The following UGT1A10 variants were observed in gnomAD, a reference collection of about 807,000 sequenced individuals.
UGT1A10 encodes the protein UDP glucuronosyltransferase family 1 member A10.
In UGT1A10, 49 loss-of-function variants were observed where a neutral mutation model predicts 45.8. The observed-to-expected ratio is 1.07, with a 90% CI of 0.85 to 1.36. The LOEUF (loss-of-function observed/expected upper bound fraction) is 1.36, where lower values mean the gene tolerates loss of function less well. Among genes scored for constraint, UGT1A10 ranks in the 40% most tolerant of loss-of-function variants. The probability of loss-of-function intolerance (pLI) is 0.00; values close to 1 mark genes in which losing one functional copy is unlikely to be tolerated. For missense variants in UGT1A10, 745 were observed against 668.6 expected (o/e 1.11, Z -1.26); for synonymous variants, 284 against 249.7 (o/e 1.14, Z -1.29).
At chr2:233,702,346 AT>A (rs1310993956) in intron 1 of UGT1A10, among the ~76,000 whole-genome samples, 1 of 152,068 alleles carries the variant, frequency 6.6e-6, no homozygotes, top group African/African-American at 2.4e-5. Context: ...ATTTGTTCTA[AT>A]AGTTTTTTTT....
rs750440547 is a variant in UGT1A10, at chr2:233,743,766, C to T, written c.856-23268C>T. 28 of 1,367,250 alleles carry T rather than the reference C, an allele frequency of 2.0e-5. No homozygotes were observed. In the South Asian group the frequency reaches 2.2e-4, roughly 11 times the overall value. The allele number at this position is 1,367,250 out of a possible 1,614,324, so 84.7% of individuals were successfully genotyped here. Reference sequence around the variant, plus strand: ...GCGTCCGACAACACCTCGTAGGCCTCGGCCACCTGCTTGAATCTCCTCTCC... The same window carrying T: ...GCGTCCGACAACACCTCGTAGGCCTTGGCCACCTGCTTGAATCTCCTCTCC... On this transcript the variant is annotated intron_variant, in intron 1 of 4. Coordinates refer to ENST00000344644, the MANE Select transcript of UGT1A10 (RefSeq NM_019075.4).
At chr2:233,672,941 G>T (rs4663871) in intron 1 of UGT1A10, 2 of 1,392,100 alleles carry the variant, frequency 1.4e-6, no homozygotes, top group East Asian at 2.4e-5. Context: ...GCGTGTACTC[G>T]TCAGTAGCAA....
intron 1 of UGT1A10, among the ~76,000 whole-genome samples, chr2:233,766,812 C>T (rs2126028424): frequency 6.6e-6 from 1 of 152,290 alleles, no homozygotes; most frequent in African/African-American, 2.4e-5. Context: ...GATTTTGCAT[C>T]TCAAGGATAA....
intron 1 of UGT1A10, chr2:233,672,841 A>G (rs774561388): frequency 1.3e-6 from 2 of 1,554,616 alleles, no homozygotes; most frequent in Admixed American, 4.1e-5. Flanking sequence ...TTGGAAATTA[A>G]AAAAGGATTC....
intron 1 of UGT1A10, among the ~76,000 whole-genome samples, chr2:233,678,722 C>T (rs2125514358): frequency 6.6e-6 from 1 of 152,010 alleles, no homozygotes; most frequent in Non-Finnish European, 1.5e-5. Flanking sequence ...CATCTTCTTT[C>T]TCATCAAGTA....
intron 1 of UGT1A10, among the ~76,000 whole-genome samples, chr2:233,643,785 C>A (rs2073525797): frequency 6.6e-6 from 1 of 152,100 alleles, no homozygotes. Flanking sequence ...CAGGACTGGG[C>A]CCTTTCTTTT....
rs1425309008 is a variant in UGT1A10, at chr2:233,641,583, T to A, written c.855+4206T>A. 2.6e-5 allele frequency among the ~76,000 whole-genome samples: 4 copies of A among 152,240 alleles called. No individual in the cohort carries two copies. The South Asian group carries it at 8.3e-4, about 32-fold the overall frequency. On this transcript the variant is annotated intron_variant, in intron 1 of 4. Transcript: ENST00000344644. ...TTATAATATTCTGTGTATTTCTGTG[T>A]ACTTACTATTACCAGTGAGTTTTGT...
At chr2:233,705,847 G>A (rs1288206523) in intron 1 of UGT1A10, among the ~76,000 whole-genome samples, 1 of 152,146 alleles carries the variant, frequency 6.6e-6, no homozygotes, top group African/African-American at 2.4e-5. Flanking sequence ...AGCTGAAGTG[G>A]GAAGCTGAGG....
intron 1 of UGT1A10, among the ~76,000 whole-genome samples, chr2:233,725,543 ATAT>A (rs909924952): frequency 1.3e-5 from 2 of 152,112 alleles, no homozygotes; most frequent in African/African-American, 4.8e-5. Flanking sequence ...CATATCACAA[ATAT>A]TATCCTTTCA....
chr2:233,715,359 CTT>C (rs892962742), intron 1 of UGT1A10, among the ~76,000 whole-genome samples: 5 of 150,138 alleles, frequency 3.3e-5, no homozygotes, highest in Non-Finnish European at 7.4e-5. Context: ...AGGTTTGAGA[CTT>C]ATATTTTCTT....
At chr2:233,681,272 G>C (rs1186319334) in intron 1 of UGT1A10, among the ~76,000 whole-genome samples, 1 of 152,018 alleles carries the variant, frequency 6.6e-6, no homozygotes, top group Non-Finnish European at 1.5e-5. Context: ...AGTGGCTCAC[G>C]CCTGTAATCC....
In UGT1A10 at chr2:233,755,308, G is replaced by A. The variant is rs1306203724; in HGVS notation, c.856-11726G>A. The A allele has an allele frequency of 1.8e-5, 10 of 564,374 alleles. No individual in the cohort carries two copies. The Admixed American group carries it at 2.0e-4, about 11-fold the overall frequency. The allele number at this position is 564,374 out of a possible 1,614,324, so 35.0% of individuals were successfully genotyped here. A position where few individuals can be genotyped will look rare whatever the true frequency, so the allele number is the denominator to read the frequency against. On this transcript the variant is annotated intron_variant, in intron 1 of 4. Coordinates refer to ENST00000344644, the MANE Select transcript of UGT1A10 (RefSeq NM_019075.4). ...AGAGCCTGCGGGGCACTGGCACAGCGAGCGGCAAGGCTGCCAGCACCCGCG... is the reference window on the plus strand; with the variant it reads ...AGAGCCTGCGGGGCACTGGCACAGCAAGCGGCAAGGCTGCCAGCACCCGCG...
In UGT1A10 at chr2:233,700,548, G is replaced by T. The variant is rs535853869; in HGVS notation, c.855+63171G>T. Among the ~76,000 whole-genome samples the T allele has an allele frequency of 2.0e-5, 3 of 151,944 alleles. No homozygotes were observed. The East Asian group carries it at 5.8e-4, about 29-fold the overall frequency. Reference sequence around the variant, plus strand: ...ATAACTCTAGGAGAATGAGAATAAGGGGTTATAAAAATATAACTTTATTAT... The same window carrying T: ...ATAACTCTAGGAGAATGAGAATAAGTGGTTATAAAAATATAACTTTATTAT... On this transcript the variant is annotated intron_variant, in intron 1 of 4. Coordinates refer to ENST00000344644, the MANE Select transcript of UGT1A10 (RefSeq NM_019075.4).
intron 1 of UGT1A10, among the ~76,000 whole-genome samples, chr2:233,676,783 G>A (rs2074371517): frequency 6.6e-6 from 1 of 152,136 alleles, no homozygotes; most frequent in African/African-American, 2.4e-5. Flanking sequence ...AAGACACAGA[G>A]GTCTTTTCTT....
At chr2:233,706,203 G>A (rs543652035) in intron 1 of UGT1A10, among the ~76,000 whole-genome samples, 11 of 152,352 alleles carry the variant, frequency 7.2e-5, no homozygotes, top group African/African-American at 2.6e-4. Flanking sequence ...CCTCCACAAA[G>A]CTGGCCCAGG....
chr2:233,753,954 T>C (rs1695355745), intron 1 of UGT1A10, among the ~76,000 whole-genome samples: 2 of 152,202 alleles, frequency 1.3e-5, no homozygotes, highest in Admixed American at 1.3e-4. Flanking sequence ...ACCTCCAAAA[T>C]ATTAAGAGAA....
chr2:233,637,235 CT>C lies in UGT1A10; in HGVS notation c.714del (p.Val239SerfsTer27), dbSNP rs1559318736. 2.5e-6 allele frequency: 4 copies of C among 1,613,802 alleles called. No individual in the cohort carries two copies. In the African/African-American group the frequency reaches 5.3e-5, roughly 22 times the overall value. Reference sequence around the variant, plus strand: ...ATAGCCTCTGAAATTCTCCAAACCCCTGTCACGGCATATGATCTCTACAGTC... The same window carrying C: ...ATAGCCTCTGAAATTCTCCAAACCCCGTCACGGCATATGATCTCTACAGTC... Reference protein sequence around the residue: ...LEIASEILQTPVTAYDLYSHT... With the variant: ...LEIASEILQTXVTAYDLYSHT... On this transcript the variant is annotated frameshift_variant, in exon 1 of 5. Coordinates refer to ENST00000344644, the MANE Select transcript of UGT1A10 (RefSeq NM_019075.4). LOFTEE classifies it high-confidence loss of function.
chr2:233,693,235 C>G, intron 1 of UGT1A10: 6 of 1,614,162 alleles, frequency 3.7e-6, no homozygotes, highest in Non-Finnish European at 5.1e-6. Flanking sequence ...CAAGAAAAAT[C>G]TATCCAGTGC....
chr2:233,690,687 A>G, intron 1 of UGT1A10: 1 of 1,254,678 alleles, frequency 8.0e-7, no homozygotes, highest in African/African-American at 1.6e-5. Context: ...TCTCCAGCGG[A>G]GCTACTCTTT....
Sources: allele counts gnomAD v4.1 joint callset (sites outside exome capture counted in the v4.1 genomes callset), GRCh38; gene constraint gnomAD v4.1.1; transcripts MANE v1.5; gene names NCBI Gene and HGNC (gene_info 2026-07-23, HGNC 2026-07-21).